Variants in AGPS observed in about 807,000 individuals in gnomAD.
AGPS encodes alkyldihydroxyacetonephosphate synthase, peroxisomal.
AGPS carries 26 observed loss-of-function variants against 90.7 expected under a neutral mutation model. The observed-to-expected ratio is 0.29, with a 90% CI of 0.21 to 0.40. The LOEUF (loss-of-function observed/expected upper bound fraction) is 0.40. AGPS is among the 10% of genes least tolerant of loss of function. AGPS has a pLI of 1.00. For synonymous variants in AGPS, 294 were observed against 285.3 expected, an observed-to-expected ratio of 1.03 and a Z score of -0.31; for missense variants, 540 against 816.1, an observed-to-expected ratio of 0.66 and a Z score of 4.12.
chr2:177,513,018 G>T (rs1331861489), intron 16 of AGPS, among the ~76,000 whole-genome samples: 1 of 151,472 alleles, frequency 6.6e-6, no homozygotes, highest in Admixed American at 6.6e-5. Context: ...TAATTTTTTT[G>T]ATTTTTAGTA....
intron 8 of AGPS, among the ~76,000 whole-genome samples, chr2:177,446,405 T>A (rs1158389690): frequency 6.6e-6 from 1 of 152,092 alleles, no homozygotes; most frequent in Admixed American, 6.5e-5. Flanking sequence ...CCTCCTGAAG[T>A]GTTGGGATTA....
chr2:177,396,927 A>G lies in AGPS; in HGVS notation c.260+3878A>G, dbSNP rs573283950. Reference sequence around the variant, plus strand: ...GTCTCCTATGAAGTTGGCACCAATTACTTCTTTTTCTTTTCTTTTTTTTTT... The same window carrying G: ...GTCTCCTATGAAGTTGGCACCAATTGCTTCTTTTTCTTTTCTTTTTTTTTT... On this transcript the variant is annotated intron_variant, in intron 1 of 19. Transcript: ENST00000264167. Among the ~76,000 whole-genome samples, 669 of 108,634 alleles carry G rather than the reference A, an allele frequency of 6.2e-3. 6 individuals carry two copies. Among genetic ancestry groups the G allele is most frequent in the African/African-American group, 0.022 (634 of 29,286 alleles). 71.3% of individuals were successfully genotyped at this position (108,634 alleles called of 152,430 possible).
intron 12 of AGPS, among the ~76,000 whole-genome samples, chr2:177,494,980 A>AT (rs1193179698): frequency 6.6e-6 from 1 of 152,222 alleles, no homozygotes; most frequent in Non-Finnish European, 1.5e-5. Context: ...GTCGGTGTTT[A>AT]TACCACATTG....
At chr2:177,525,454 C>T (rs893894761) in intron 19 of AGPS, among the ~76,000 whole-genome samples, 1 of 151,978 alleles carries the variant, frequency 6.6e-6, no homozygotes, top group Non-Finnish European at 1.5e-5. Context: ...TAAAACTTTC[C>T]CAGTGTAGCC....
chr2:177,479,490 T>C (rs780728776), intron 10 of AGPS, among the ~76,000 whole-genome samples: 16 of 152,206 alleles, frequency 1.1e-4, no homozygotes, highest in Non-Finnish European at 2.1e-4. Flanking sequence ...ATTGCAGCAT[T>C]ATTAATAGTA....
chr2:177,538,326 T>G lies in AGPS; in HGVS notation c.*131T>G, dbSNP rs1295263756. On this transcript the variant is annotated 3_prime_UTR_variant, in exon 20 of 20. Coordinates refer to ENST00000264167, the MANE Select transcript of AGPS (RefSeq NM_003659.4). ...TTTCTTTGGTTTAAAATAAGTTTGT[T>G]TTCATTCTGTAGTTTGTTTTGTTTC... The G allele has an allele frequency of 2.0e-6, 2 of 1,020,534 alleles. No individual in the cohort carries two copies. Among genetic ancestry groups the G allele is most frequent in the African/African-American group, 3.3e-5 (2 of 61,378 alleles). 63.2% of individuals were successfully genotyped at this position (1,020,534 alleles called of 1,614,324 possible).
In AGPS at chr2:177,468,309, C is replaced by T. The variant is rs1574393471; in HGVS notation, c.997-107C>T. The T allele has an allele frequency of 4.8e-6, 3 of 627,090 alleles. No homozygotes were observed. The East Asian group carries it at 8.4e-5, about 18-fold the overall frequency. 38.8% of individuals were successfully genotyped at this position (627,090 alleles called of 1,614,324 possible). A position where few individuals can be genotyped will look rare whatever the true frequency, so the allele number is the denominator to read the frequency against. On this transcript the variant is annotated intron_variant, in intron 9 of 19. Coordinates refer to ENST00000264167, the MANE Select transcript of AGPS (RefSeq NM_003659.4). ...AAAGCATCACAATTTATTACTTAAC[C>T]CAATACTTTAAAAGTAGGTTTTACA...
chr2:177,423,715 G>A (rs1685996249), intron 2 of AGPS, among the ~76,000 whole-genome samples: 1 of 152,174 alleles, frequency 6.6e-6, no homozygotes, highest in Non-Finnish European at 1.5e-5. Context: ...TACATTGTAA[G>A]CAATTATTAG....
rs1004037533 is a variant in AGPS, at chr2:177,457,916, C to G, written c.871-3977C>G. On this transcript the variant is annotated intron_variant, in intron 8 of 19. Transcript: ENST00000264167. ...ATTTCAGGCTAATATCCCCGATGAA[C>G]ATCGATGCGAAAATCCTTAATAAAA... Among the ~76,000 whole-genome samples, 7 of 152,222 alleles carry G rather than the reference C, an allele frequency of 4.6e-5. No homozygotes were observed. The South Asian group carries it at 1.4e-3, about 32-fold the overall frequency.
At chr2:177,482,354 C>A (rs1369928442) in intron 11 of AGPS, among the ~76,000 whole-genome samples, 168 bp downstream of exon 11, 1 of 151,984 alleles carries the variant, frequency 6.6e-6, no homozygotes, top group African/African-American at 2.4e-5. Context: ...TAGTGTTGTA[C>A]AGTCATCCTT....
At chr2:177,436,139 A>ATTTTTTTTTT (rs1172040227) in intron 3 of AGPS, among the ~76,000 whole-genome samples, 11,372 of 81,812 alleles carry the variant, frequency 0.14, 2,449 homozygotes, top group African/African-American at 0.15. Flanking sequence ...GAAATGCTGA[A>ATTTTTTTTTT]TTTTTTTTTT....
Position 177,392,797 on chromosome 2 carries a change from A to G in AGPS, c.8A>G (p.Glu3Gly). The G allele has an allele frequency of 6.7e-7, 1 of 1,499,808 alleles. No individual in the cohort carries two copies. The highest frequency in any genetic ancestry group is 1.4e-5 in the African/African-American group (1 of 69,202). The allele number at this position is 1,499,808 out of a possible 1,614,324, so 92.9% of individuals were successfully genotyped here. ...CAGCACAAGGCGGTAGCCATGGCGG[A>G]GGCGGCGGCTGCAGCGGGTGGGACT... Reference protein sequence around the residue: MAEAAAAAGGTGL... With the variant: MAGAAAAAGGTGL... Residue 3 changes from glutamate to glycine, a missense_variant, in exon 1 of 20, where the codon GAG (glutamate) becomes GGG (glycine). Glu to Gly is a moderately conservative substitution (Grantham distance 98). This residue lies in a region of AGPS where 135 missense variants were observed against 124.0 expected (regional missense o/e 1.09). Coordinates refer to ENST00000264167, the MANE Select transcript of AGPS (RefSeq NM_003659.4).
chr2:177,501,423 G>A (rs1221760578), intron 14 of AGPS, among the ~76,000 whole-genome samples: 2 of 152,096 alleles, frequency 1.3e-5, no homozygotes, highest in East Asian at 3.9e-4. Context: ...TGTTTGTTGT[G>A]CCTCATAATT....
chr2:177,427,300 A>G (rs1353380626), intron 2 of AGPS, among the ~76,000 whole-genome samples: 3 of 152,072 alleles, frequency 2.0e-5, no homozygotes, highest in East Asian at 3.8e-4. Context: ...TCAAAAAACC[A>G]GCTCCTGGAT....
At chr2:177,536,487 G>A (rs967890412) in intron 19 of AGPS, among the ~76,000 whole-genome samples, 1 of 151,772 alleles carries the variant, frequency 6.6e-6, no homozygotes, top group Non-Finnish European at 1.5e-5. Flanking sequence ...TAAAATCATA[G>A]AATATTAGAG....
In AGPS at chr2:177,511,400, T is replaced by C. The variant is rs1266117081; in HGVS notation, c.1608-2419T>C. Among the ~76,000 whole-genome samples the C allele has an allele frequency of 2.0e-5, 3 of 151,978 alleles. No homozygotes were observed. The East Asian group carries it at 5.8e-4, about 29-fold the overall frequency. On this transcript the variant is annotated intron_variant, in intron 16 of 19. Transcript: ENST00000264167. ...GGCATGAGCCACTGTGCCTAGCCGA[T>C]GTTACAGATTTTGGAGACACCAGCA...
intron 11 of AGPS, among the ~76,000 whole-genome samples, chr2:177,483,669 C>T (rs899363104): frequency 6.6e-6 from 1 of 151,910 alleles, no homozygotes; most frequent in South Asian, 2.1e-4. Context: ...TTTGGGAATA[C>T]GATATTATGG....
Position 177,465,655 on chromosome 2 carries a change from T to C in AGPS, c.997-2761T>C, listed in dbSNP as rs142024037. Among the ~76,000 whole-genome samples the C allele has an allele frequency of 4.0e-3, 613 of 152,354 alleles. 6 individuals carry two copies. Among genetic ancestry groups the C allele is most frequent in the East Asian group, 0.032 (168 of 5,178 alleles). On this transcript the variant is annotated intron_variant, in intron 9 of 19. Coordinates refer to ENST00000264167, the MANE Select transcript of AGPS (RefSeq NM_003659.4). ...AGGCATCAGCTCCCTACAAGGCTGC[T>C]GCTGGACCAGGCATACTGCAAGCAG...
intron 16 of AGPS, among the ~76,000 whole-genome samples, chr2:177,510,622 A>G (rs1688842901): frequency 6.6e-6 from 1 of 151,958 alleles, no homozygotes; most frequent in African/African-American, 2.4e-5. Flanking sequence ...ATATACTTAC[A>G]TATTTATTTG....
Sources: gnomAD v4.1 joint callset for allele counts (sites outside exome capture counted in the v4.1 genomes callset) on GRCh38, gnomAD v4.1.1 for gene constraint, gnomAD v4.1.1 regional missense constraint, MANE v1.5 for transcripts, NCBI Gene and HGNC (gene_info 2026-07-23, HGNC 2026-07-21) for gene names.